Variants in FAM120C observed in about 807,000 individuals in gnomAD.
FAM120C encodes constitutive coactivator of PPAR-gamma-like protein 2.
FAM120C carries 14 observed loss-of-function variants against 71.2 expected under a neutral mutation model. The ratio of observed to expected loss-of-function variants is 0.20; its 90% CI spans 0.13 to 0.31. FAM120C has a LOEUF of 0.31. FAM120C is among the 10% of genes least tolerant of loss of function. The pLI, the probability that FAM120C is intolerant of heterozygous loss-of-function variation, is 1.00. For missense variants in FAM120C, 500 were observed against 879.0 expected (o/e 0.57, Z 5.45); for synonymous variants, 354 against 353.2 (o/e 1.00, Z -0.03).
rs782390184 is a variant in FAM120C, at chrX:54,110,411, G to A, written c.2312+6134C>T. Among the ~76,000 whole-genome samples, 55 of 110,432 alleles carry A rather than the reference G, an allele frequency of 5.0e-4. 1 individual carries two copies. Among genetic ancestry groups the A allele is most frequent in the Non-Finnish European group, 7.5e-4 (40 of 52,988 alleles). Reference sequence around the variant, plus strand: ...CAAAATAAATACTTCTCAGTGAAGGGAGAAGTATACTGATGTCTGCAATTT... The same window carrying A: ...CAAAATAAATACTTCTCAGTGAAGGAAGAAGTATACTGATGTCTGCAATTT... On this transcript the variant is annotated intron_variant, in intron 10 of 15. Transcript: ENST00000375180.
chrX:54,162,848 G>A (rs2067241599), intron 1 of FAM120C, among the ~76,000 whole-genome samples: 2 of 111,757 alleles, frequency 1.8e-5, no homozygotes, highest in South Asian at 7.5e-4. Context: ...GATCAATGAG[G>A]GTCAGAGGTT....
chrX:54,098,134 C>T (rs193061962), intron 10 of FAM120C, among the ~76,000 whole-genome samples: 40 of 106,897 alleles, frequency 3.7e-4, no homozygotes, highest in East Asian at 1.5e-3. Context: ...CTCTGCCTCC[C>T]GGGTTCAAGT....
chrX:54,156,514 C>T (rs914614757), intron 3 of FAM120C, among the ~76,000 whole-genome samples: 8 of 107,295 alleles, frequency 7.5e-5, no homozygotes, highest in African/African-American at 2.0e-4. Flanking sequence ...CATGAGCCAC[C>T]GTGCCCTGGC....
At chrX:54,111,482 A>G (rs1449756722) in intron 10 of FAM120C, among the ~76,000 whole-genome samples, 1 of 110,137 alleles carries the variant, frequency 9.1e-6, no homozygotes, top group Non-Finnish European at 1.9e-5. Flanking sequence ...TAGCATTTCT[A>G]TACACCAATA....
intron 1 of FAM120C, among the ~76,000 whole-genome samples, chrX:54,165,661 C>T (rs1322735487): frequency 9.1e-6 from 1 of 110,427 alleles, no homozygotes; most frequent in African/African-American, 3.3e-5. Context: ...CCTGTAATCC[C>T]AGCTACTCGG....
At chrX:54,132,231 T>C (rs2067071886) in intron 9 of FAM120C, among the ~76,000 whole-genome samples, 1 of 110,676 alleles carries the variant, frequency 9.0e-6, no homozygotes, top group Non-Finnish European at 1.9e-5. Context: ...TTTTCAATTT[T>C]TAGTAGAGAT....
intron 10 of FAM120C, among the ~76,000 whole-genome samples, chrX:54,098,970 T>G (rs1170342066): frequency 9.1e-6 from 1 of 109,783 alleles, no homozygotes; most frequent in East Asian, 2.8e-4. Context: ...TTTCACCCAT[T>G]TAAAAAATTG....
chrX:54,174,124 G>A (rs782454325), intron 1 of FAM120C: 1 of 513,705 alleles, frequency 1.9e-6, no homozygotes, highest in South Asian at 2.5e-5. Context: ...TCTCCATAGG[G>A]CAGCTCACAA....
intron 9 of FAM120C, among the ~76,000 whole-genome samples, chrX:54,129,590 G>A (rs1484840135): frequency 1.8e-5 from 2 of 111,697 alleles, no homozygotes; most frequent in Admixed American, 1.9e-4. Flanking sequence ...CGGCCAGGCA[G>A]AGACGCTCCT....
chrX:54,074,776 A>G (rs1215018474), intron 15 of FAM120C, among the ~76,000 whole-genome samples: 12 of 112,630 alleles, frequency 1.1e-4, no homozygotes, highest in African/African-American at 3.9e-4. Context: ...ACTGCTAATG[A>G]TATGAACTAC....
intron 10 of FAM120C, among the ~76,000 whole-genome samples, chrX:54,104,815 G>A (rs1054208922): frequency 9.2e-6 from 1 of 108,275 alleles, no homozygotes; most frequent in Admixed American, 1.0e-4. Flanking sequence ...CTCGGGGGGG[G>A]AAAAAAAAGA....
In FAM120C at chrX:54,072,158, T is replaced by TACAC. The variant is rs2066713162; in HGVS notation, c.*874_*875insGTGT. On this transcript the variant is annotated 3_prime_UTR_variant, in exon 16 of 16. Transcript: ENST00000375180. ...ACCCACACCCACACACAAGCACACA[T>TACAC]TCACACACACACACACACACACACA... 1.7e-4 allele frequency: 2 copies of TACAC among 12,099 alleles called. No individual in the cohort carries two copies. The highest frequency in any genetic ancestry group is 3.7e-4 in the Non-Finnish European group (2 of 5,365). 1.0% of individuals were successfully genotyped at this position (12,099 alleles called of 1,213,427 possible). A position where few individuals can be genotyped will look rare whatever the true frequency, so the allele number is the denominator to read the frequency against.
Position 54,072,200 on chromosome X carries a change from CA to C in FAM120C, c.*832del, listed in dbSNP as rs1473064221. On this transcript the variant is annotated 3_prime_UTR_variant, in exon 16 of 16. Transcript: ENST00000375180. ...ACACACACACACACACACACACACA[CA>C]GTCTCTTGAGTCCCTTTCGTACTCA... The C allele has an allele frequency of 2.8e-4, 30 of 105,280 alleles. 1 individual carries two copies. The highest frequency in any genetic ancestry group is 2.7e-3 in the Admixed American group (26 of 9,488). 8.7% of individuals were successfully genotyped at this position (105,280 alleles called of 1,213,427 possible).
intron 10 of FAM120C, among the ~76,000 whole-genome samples, chrX:54,096,401 ACT>A (rs1416633156): frequency 9.0e-6 from 1 of 111,317 alleles, no homozygotes; most frequent in African/African-American, 3.3e-5. Flanking sequence ...ACAGAGCGAG[ACT>A]CTGTCTCAAA....
At position 54,183,063 on chromosome X, in the gene FAM120C, T is replaced by G; in HGVS notation, c.136A>C (p.Thr46Pro). The G allele has an allele frequency of 8.6e-7, 1 of 1,156,768 alleles. No individual in the cohort carries two copies. Among genetic ancestry groups the G allele is most frequent in the Non-Finnish European group, 1.1e-6 (1 of 871,470 alleles). ...GGAGCCCCGGGCGCTAGGGCTGCAGTCGGCGGCAGCTGGCGGTGCAAGTGC... is the reference window on the plus strand; with the variant it reads ...GGAGCCCCGGGCGCTAGGGCTGCAGGCGGCGGCAGCTGGCGGTGCAAGTGC... Reference protein sequence around the residue: ...QQHLHRQLPPTAALAPGAPRA... With the variant: ...QQHLHRQLPPPAALAPGAPRA... Residue 46 changes from threonine to proline, a missense_variant, in exon 1 of 16, where the codon ACT (threonine) becomes CCT (proline). Physicochemically the swap from Thr to Pro is conservative, Grantham distance 38. Transcript: ENST00000375180.
At chrX:54,113,935 A>G (rs2066952764) in intron 10 of FAM120C, among the ~76,000 whole-genome samples, 1 of 110,981 alleles carries the variant, frequency 9.0e-6, no homozygotes, top group Non-Finnish European at 1.9e-5. Flanking sequence ...GAAAAGAAAA[A>G]AAAAGCCTGC....
At chrX:54,091,192 T>G (rs1017709474) in intron 11 of FAM120C, 120 bp downstream of exon 11, 1 of 458,925 alleles carries the variant, frequency 2.2e-6, no homozygotes, top group African/African-American at 2.4e-5. Context: ...TTGGTTAAAG[T>G]AAATCAAACA....
At chrX:54,137,144 G>C (rs1043817021) in intron 4 of FAM120C, among the ~76,000 whole-genome samples, 13 of 110,523 alleles carry the variant, frequency 1.2e-4, no homozygotes, top group Non-Finnish European at 2.1e-4. Flanking sequence ...GTAGAGACAG[G>C]GTTTCACTAT....
intron 2 of FAM120C, among the ~76,000 whole-genome samples, chrX:54,158,740 G>T (rs1189097010): frequency 3.6e-5 from 4 of 111,472 alleles, no homozygotes; most frequent in African/African-American, 6.5e-5. Context: ...CTACACTCCA[G>T]CCTGGGCGAC....
Sources: allele counts gnomAD v4.1 joint callset (sites outside exome capture counted in the v4.1 genomes callset), GRCh38; gene constraint gnomAD v4.1.1; transcripts MANE v1.5; gene names NCBI Gene and HGNC (gene_info 2026-07-23, HGNC 2026-07-21).